Variants in GLYATL1 observed in about 807,000 individuals in gnomAD.
The protein encoded by GLYATL1 is glycine N-acyltransferase-like protein 1.
Under a neutral mutation model 20.0 loss-of-function variants are expected in GLYATL1, and 15 were observed. The ratio of observed to expected loss-of-function variants is 0.75; its 90% CI spans 0.50 to 1.15. The LOEUF (loss-of-function observed/expected upper bound fraction) is 1.15, where lower values mean the gene tolerates loss of function less well. Ranked by LOEUF, GLYATL1 falls within the 50% of genes most tolerant of loss-of-function variation. The probability of loss-of-function intolerance (pLI) is 0.00; values close to 1 mark genes in which losing one functional copy is unlikely to be tolerated. For missense variants in GLYATL1, 380 were observed against 368.5 expected (o/e 1.03, Z -0.26); for synonymous variants, 151 against 131.5 (o/e 1.15, Z -1.01).
chr11:58,953,232 T>G (rs1384755410), intron 4 of GLYATL1, among the ~76,000 whole-genome samples: 1 of 152,164 alleles, frequency 6.6e-6, no homozygotes, highest in Non-Finnish European at 1.5e-5. Context: ...AGGATTTCTA[T>G]TTTTTTGCAA....
chr11:58,946,783 T>C, intron 2 of GLYATL1: 1 of 506,424 alleles, frequency 2.0e-6, no homozygotes, highest in South Asian at 2.1e-5. Flanking sequence ...ACAGAACTCT[T>C]AATATTCACT....
chr11:58,914,150 T>A (rs538261546), intron 1 of GLYATL1, among the ~76,000 whole-genome samples: 68 of 152,306 alleles, frequency 4.5e-4, no homozygotes, highest in African/African-American at 1.5e-3. Flanking sequence ...ATAGGAAGGT[T>A]CTGTGCTGTT....
At chr11:58,913,504 TTCAA>T (rs1271366107), downstream of GLYATL1, among the ~76,000 whole-genome samples, 2 of 152,214 alleles carry the variant, frequency 1.3e-5, no homozygotes, top group Admixed American at 6.5e-5. Context: ...ATAGTAGATA[TTCAA>T]TCACTTTGAT....
intron 1 of GLYATL1, among the ~76,000 whole-genome samples, chr11:58,915,597 C>T (rs1450285889): frequency 6.6e-6 from 1 of 152,200 alleles, no homozygotes; most frequent in Non-Finnish European, 1.5e-5. Context: ...AGACTCACCT[C>T]AGATATATTA....
upstream of GLYATL1, among the ~76,000 whole-genome samples, chr11:58,927,200 GCTA>G (rs1173728416): frequency 6.6e-6 from 1 of 152,118 alleles, no homozygotes; most frequent in Non-Finnish European, 1.5e-5. Flanking sequence ...CCCTTCAGAG[GCTA>G]CTGTTTTACT....
At chr11:58,931,707 T>C (rs547457255) in intron 1 of GLYATL1, among the ~76,000 whole-genome samples, 2 of 152,130 alleles carry the variant, frequency 1.3e-5, no homozygotes, top group Middle Eastern at 6.8e-3. Flanking sequence ...AATGAACAAC[T>C]CCTGTTCTTT....
chr11:58,943,219 T>C, intron 1 of GLYATL1: 1 of 1,447,208 alleles, frequency 6.9e-7, no homozygotes, highest in Non-Finnish European at 9.1e-7. Context: ...GAAAACCTAA[T>C]TTAGTAGTGT....
intron 1 of GLYATL1, among the ~76,000 whole-genome samples, chr11:58,921,893 C>T (rs564335): frequency 0.52 from 79,078 of 152,060 alleles, 21,084 homozygotes; most frequent in African/African-American, 0.64. Context: ...ATATTCACCA[C>T]GCGCTGATTT....
In GLYATL1 at chr11:58,949,713, C is replaced by A. The variant is rs146479700; in HGVS notation, c.186+1748C>A. ...AAAACAAAAAGGAAAGAATGAAATA[C>A]GCTGCAATTTACTTGGAAGTGCATT... On this transcript the variant is annotated intron_variant, in intron 4 of 6. Coordinates refer to ENST00000532726, the MANE Select transcript of GLYATL1 (RefSeq NM_001389712.2). 2.6e-3 allele frequency among the ~76,000 whole-genome samples: 396 copies of A among 151,894 alleles called. 5 individuals are homozygous for A. Among genetic ancestry groups the A allele is most frequent in the African/African-American group, 8.5e-3 (352 of 41,424 alleles).
At chr11:58,945,033 T>A (rs1432677519) in intron 2 of GLYATL1, among the ~76,000 whole-genome samples, 1 of 65,546 alleles carries the variant, frequency 1.5e-5, no homozygotes, top group Non-Finnish European at 3.1e-5. Flanking sequence ...AAAATATATA[T>A]ATTATATATA....
At chr11:58,941,323 G>A (rs1189746726) in intron 1 of GLYATL1, among the ~76,000 whole-genome samples, 2 of 151,460 alleles carry the variant, frequency 1.3e-5, no homozygotes, top group Non-Finnish European at 2.9e-5. Flanking sequence ...AGTTTACTGA[G>A]AATGATGATT....
chr11:58,917,026 A>T (rs1236558989), intron 1 of GLYATL1: 1 of 152,226 alleles, frequency 6.6e-6, no homozygotes. Flanking sequence ...TCCGTTTTTC[A>T]TCTGCAATGC....
intron 1 of GLYATL1, among the ~76,000 whole-genome samples, chr11:58,914,972 G>A (rs550015250): frequency 6.6e-6 from 1 of 152,188 alleles, no homozygotes; most frequent in Non-Finnish European, 1.5e-5. Flanking sequence ...CAAGACAGAG[G>A]CAGTATGTAG....
At chr11:58,918,407 G>T (rs937139067) in intron 1 of GLYATL1, among the ~76,000 whole-genome samples, 1 of 152,220 alleles carries the variant, frequency 6.6e-6, no homozygotes, top group Admixed American at 6.5e-5. Context: ...TTGTTAGGTT[G>T]TCTGGTTGTG....
At chr11:58,936,709 T>A (rs1041177456), upstream of GLYATL1, among the ~76,000 whole-genome samples, 23 of 152,230 alleles carry the variant, frequency 1.5e-4, no homozygotes, top group African/African-American at 5.3e-4. Context: ...TAGCCAAAGT[T>A]TTGTTTTTCT....
chr11:58,947,006 T>C (rs746872557), intron 2 of GLYATL1, 40 bp from the exon 3 acceptor site: 2 of 1,447,082 alleles, frequency 1.4e-6, no homozygotes, highest in Non-Finnish European at 9.7e-7. Context: ...TAAATTCATT[T>C]GTTTCCTTAA....
chr11:58,921,377 C>T (rs1479704282), intron 1 of GLYATL1, among the ~76,000 whole-genome samples: 1 of 152,142 alleles, frequency 6.6e-6, no homozygotes, highest in Non-Finnish European at 1.5e-5. Flanking sequence ...AGTAATATGA[C>T]CATACGTTCC....
intron 1 of GLYATL1, among the ~76,000 whole-genome samples, chr11:58,916,234 A>T (rs979287938): frequency 5.3e-5 from 8 of 152,142 alleles, no homozygotes; most frequent in African/African-American, 1.9e-4. Flanking sequence ...GTGCCTCCTT[A>T]AGATCTCAGG....
At chr11:58,953,837 T>C (rs183970852) in intron 4 of GLYATL1, among the ~76,000 whole-genome samples, 2 of 152,200 alleles carry the variant, frequency 1.3e-5, no homozygotes, top group Non-Finnish European at 2.9e-5. Flanking sequence ...TCCAACATAA[T>C]ATTAATACAT....
Sources: gnomAD v4.1 joint callset for allele counts (sites outside exome capture counted in the v4.1 genomes callset) on GRCh38, gnomAD v4.1.1 for gene constraint, MANE v1.5 for transcripts, NCBI Gene and HGNC (gene_info 2026-07-23, HGNC 2026-07-21) for gene names.